TTC22: variants seen among roughly 807,000 people sequenced by gnomAD.
The protein encoded by TTC22 is tetratricopeptide repeat domain 22.
A neutral mutation model predicts 48.2 loss-of-function variants in TTC22; 42 were observed. That is an observed-to-expected ratio of 0.87 (90% CI 0.68 to 1.13). The LOEUF (loss-of-function observed/expected upper bound fraction) is 1.13, where lower values mean the gene tolerates loss of function less well. TTC22 is among the 50% of genes most tolerant of loss of function. The pLI is 0.00. For synonymous variants in TTC22, 345 were observed against 365.5 expected, an observed-to-expected ratio of 0.94 and a Z score of 0.64; for missense variants, 784 against 807.0, an observed-to-expected ratio of 0.97 and a Z score of 0.34.
chr1:54,800,203 T>C (rs1188817578), intron 1 of TTC22, among the ~76,000 whole-genome samples: 1 of 152,030 alleles, frequency 6.6e-6, no homozygotes, highest in Admixed American at 6.6e-5. Context: ...TCCCTTCACA[T>C]GGAGGTGAGG....
intron 1 of TTC22, among the ~76,000 whole-genome samples, chr1:54,795,133 G>A (rs541255126): frequency 6.6e-6 from 1 of 152,372 alleles, no homozygotes; most frequent in East Asian, 1.9e-4. Flanking sequence ...GGAAACAGAA[G>A]ATGAGATTGG....
Position 54,801,271 on chromosome 1 carries a change from G to A in TTC22, c.-108C>T. ...TCCGTGCGGGAGGCGAGGGGCAGCC[G>A]GCAGAGGCCCCGGGCGCTGCGGCCT... On this transcript the variant is annotated 5_prime_UTR_variant, in exon 1 of 7. Coordinates refer to ENST00000371276, the MANE Select transcript of TTC22 (RefSeq NM_001114108.2). The A allele has an allele frequency of 1.7e-6, 2 of 1,184,708 alleles. No individual in the cohort carries two copies. Among genetic ancestry groups the A allele is most frequent in the Non-Finnish European group, 2.4e-6 (2 of 849,150 alleles). 73.4% of individuals were successfully genotyped at this position (1,184,708 alleles called of 1,614,324 possible). A position where few individuals can be genotyped will look rare whatever the true frequency, so the allele number is the denominator to read the frequency against.
At chr1:54,785,554 G>A in intron 5 of TTC22, 1 of 452,948 alleles carries the variant, frequency 2.2e-6, no homozygotes, top group South Asian at 1.6e-5. Context: ...GCTCACACCT[G>A]GAATTCCAGC....
intron 1 of TTC22, among the ~76,000 whole-genome samples, chr1:54,792,497 C>T (rs553951970): frequency 7.2e-5 from 11 of 151,914 alleles, no homozygotes; most frequent in South Asian, 4.2e-4. Flanking sequence ...TGCAATGGCG[C>T]GATCTTGGCT....
chr1:54,781,353 C>A lies in TTC22; in HGVS notation c.1600G>T (p.Ala534Ser). 1 of 1,400,454 alleles carries A rather than the reference C, an allele frequency of 7.1e-7. No homozygotes were observed. The highest frequency in any genetic ancestry group is 9.2e-7 in the Non-Finnish European group (1 of 1,089,616). 86.8% of individuals were successfully genotyped at this position (1,400,454 alleles called of 1,614,324 possible). The change falls in exon 7 of 7, where the codon GCC becomes TCC. Residue 534 changes from alanine (A) to serine (S), a missense_variant. Physicochemically the swap from Ala to Ser is moderately conservative, Grantham distance 99 (BLOSUM62 1). Transcript: ENST00000371276. Reference sequence around the variant, plus strand: ...GCCGGCCGTCCCTGGGCCACCAGGGCCCGGGCCAGCCCCAACACCTCGTCC... The same window carrying A: ...GCCGGCCGTCCCTGGGCCACCAGGGACCGGGCCAGCCCCAACACCTCGTCC... ...HTDEVLGLAR[A>S]LVAQGRPALV...
chr1:54,790,763 C>CTGCTGA (rs1646344099), intron 1 of TTC22, among the ~76,000 whole-genome samples: 1 of 63,882 alleles, frequency 1.6e-5, no homozygotes, highest in South Asian at 3.8e-4. Context: ...GGCTTCCTGG[C>CTGCTGA]TGCTGCTGCT....
chr1:54,796,173 C>T (rs1465690200), intron 1 of TTC22, among the ~76,000 whole-genome samples: 1 of 151,584 alleles, frequency 6.6e-6, no homozygotes, highest in East Asian at 1.9e-4. Flanking sequence ...TGTGTGTGTG[C>T]GCGTGTGTGT....
chr1:54,789,892 A>G (rs1430650879), intron 1 of TTC22, among the ~76,000 whole-genome samples: 5 of 152,226 alleles, frequency 3.3e-5, no homozygotes, highest in Admixed American at 3.3e-4. Context: ...GGAGGATGGG[A>G]CATCAAGTGC....
intron 5 of TTC22, chr1:54,784,898 C>T (rs777431423): frequency 5.2e-5 from 45 of 870,970 alleles, no homozygotes; most frequent in Middle Eastern, 5.4e-4. Flanking sequence ...CAGAACTCAC[C>T]TAAGTGTGTA....
At position 54,800,691 on chromosome 1, in the gene TTC22, C is replaced by T. The variant is rs1431475637; in HGVS notation, c.473G>A (p.Gly158Asp). The T allele has an allele frequency of 1.9e-6, 3 of 1,548,420 alleles. No homozygotes were observed. In the African/African-American group the frequency reaches 4.1e-5, roughly 21 times the overall value. ...RCLAEQGYAH[G>D]FDVGCASPEE... ...TGGGCTGGCGCAGCCGACGTCGAAG[C>T]CATGCGCGTAGCCCTGCTCGGCCAG... Residue 158 changes from glycine (G) to aspartate (D), a missense_variant, in exon 1 of 7, where the codon GGC becomes GAC. Transcript: ENST00000371276.
intron 1 of TTC22, among the ~76,000 whole-genome samples, chr1:54,796,184 GTC>G (rs1259291933): frequency 6.6e-6 from 1 of 152,268 alleles, no homozygotes; most frequent in Non-Finnish European, 1.5e-5. Flanking sequence ...GCGTGTGTGT[GTC>G]TGTGCGCGTG....
At position 54,780,287 on chromosome 1, in the gene TTC22, G is replaced by C. The variant is rs917197554; in HGVS notation, c.*956C>G. The C allele has an allele frequency of 6.6e-6, 1 of 151,586 alleles. No individual in the cohort carries two copies. Among genetic ancestry groups the C allele is most frequent in the East Asian group, 1.9e-4 (1 of 5,172 alleles). 9.4% of individuals were successfully genotyped at this position (151,586 alleles called of 1,614,324 possible). ...GTGGATCAGTTGAGGTCAGGAGTTC[G>C]AGACCATCCTGACCAACATGGCGAA... On this transcript the variant is annotated 3_prime_UTR_variant, in exon 7 of 7. Transcript: ENST00000371276.
intron 4 of TTC22, chr1:54,786,377 A>C: frequency 1.1e-5 from 5 of 458,458 alleles, no homozygotes; most frequent in African/African-American, 2.0e-5. Context: ...CCACGACCAC[A>C]TCACCGGTCA....
At chr1:54,790,423 C>T (rs995444079) in intron 1 of TTC22, among the ~76,000 whole-genome samples, 3 of 152,182 alleles carry the variant, frequency 2.0e-5, no homozygotes, top group Non-Finnish European at 2.9e-5. Context: ...CAAGATCCGA[C>T]GGATGTGTGC....
Position 54,800,919 on chromosome 1 carries a change from AG to A in TTC22, c.244del (p.Leu82TrpfsTer103), listed in dbSNP as rs1340323638. 6.2e-7 allele frequency: 1 copy of A among 1,609,634 alleles called. No homozygotes were observed. Among genetic ancestry groups the A allele is most frequent in the Non-Finnish European group, 8.5e-7 (1 of 1,179,338 alleles). On this transcript the variant is annotated frameshift_variant, in exon 1 of 7. Transcript: ENST00000371276. LOFTEE classifies it high-confidence loss of function. Reference sequence around the variant, plus strand: ...GAGGAAGCACTCGCGGGCCTCGTCCAGCTCCTCCAGGTAGAATGCGAAAGCG... The same window carrying A: ...GAGGAAGCACTCGCGGGCCTCGTCCACTCCTCCAGGTAGAATGCGAAAGCG... ...LGAFAFYLEE[L>X]DEARECFLEV...
intron 1 of TTC22, among the ~76,000 whole-genome samples, chr1:54,796,707 T>C (rs1646394800): frequency 6.6e-6 from 1 of 152,174 alleles, no homozygotes; most frequent in Admixed American, 6.6e-5. Context: ...TTTTTAATCT[T>C]AGACAATAAA....
chr1:54,787,879 GT>G (rs1420632469), intron 2 of TTC22, 53 bp from the exon 3 acceptor site: 3 of 1,534,072 alleles, frequency 2.0e-6, no homozygotes, highest in Non-Finnish European at 2.7e-6. Flanking sequence ...GCTGTCCTGT[GT>G]GCTGCCAGCC....
At position 54,781,794 on chromosome 1, in the gene TTC22, G is replaced by T. The variant is rs1308298936; in HGVS notation, c.1174-15C>A. The T allele has an allele frequency of 2.1e-6, 3 of 1,404,726 alleles. No individual in the cohort carries two copies. The highest frequency in any genetic ancestry group is 2.8e-6 in the Non-Finnish European group (3 of 1,083,116). The allele number at this position is 1,404,726 out of a possible 1,614,324, so 87.0% of individuals were successfully genotyped here. A position where few individuals can be genotyped will look rare whatever the true frequency, so the allele number is the denominator to read the frequency against. ...TAGTAGTAGACCTGGGGTCGGGGAC[G>T]CGGGGTGAGCCCTTCACCGCAGGCG... On this transcript the variant is annotated splice_polypyrimidine_tract_variant and intron_variant, in intron 6 of 6. Coordinates refer to ENST00000371276, the MANE Select transcript of TTC22 (RefSeq NM_001114108.2).
chr1:54,794,560 G>C (rs1646376096), intron 1 of TTC22, among the ~76,000 whole-genome samples: 1 of 152,204 alleles, frequency 6.6e-6, no homozygotes, highest in Non-Finnish European at 1.5e-5. Flanking sequence ...ATGACAGGCT[G>C]TCCTCTAGAT....
Sources: allele counts gnomAD v4.1 joint callset (sites outside exome capture counted in the v4.1 genomes callset), GRCh38; gene constraint gnomAD v4.1.1; transcripts MANE v1.5; gene names NCBI Gene and HGNC (gene_info 2026-07-23, HGNC 2026-07-21).